PDE11A: variants seen among roughly 807,000 people sequenced by gnomAD.
PDE11A encodes the protein dual 3',5'-cyclic-AMP and -GMP phosphodiesterase 11A.
In PDE11A, 100 loss-of-function variants were observed where a neutral mutation model predicts 100.5. The observed-to-expected ratio is 1.00, with a 90% confidence interval of 0.85 to 1.18. The LOEUF (loss-of-function observed/expected upper bound fraction) is 1.18. Ranked by LOEUF, PDE11A falls within the 50% of genes most tolerant of loss-of-function variation. The pLI is 0.00. For synonymous variants in PDE11A, 381 were observed against 420.8 expected, an observed-to-expected ratio of 0.91 and a Z score of 1.16; for missense variants, 1,141 against 1,152.6, an observed-to-expected ratio of 0.99 and a Z score of 0.15.
intron 6 of PDE11A, among the ~76,000 whole-genome samples, chr2:177,829,147 G>C (rs937473238): frequency 2.1e-4 from 32 of 152,046 alleles, no homozygotes; most frequent in Non-Finnish European, 4.1e-4. Context: ...CATCCTGAAG[G>C]ATTGTGTTGC....
intron 10 of PDE11A, among the ~76,000 whole-genome samples, chr2:177,729,043 T>G (rs10177961): frequency 0.088 from 13,334 of 152,168 alleles, 1,952 homozygotes; most frequent in African/African-American, 0.3. Context: ...GTATTCATAT[T>G]CCTATCTATT....
chr2:177,671,402 C>T (rs1028102633), intron 17 of PDE11A, among the ~76,000 whole-genome samples: 15 of 151,994 alleles, frequency 9.9e-5, no homozygotes, highest in African/African-American at 3.4e-4. Flanking sequence ...GGGGGAATCA[C>T]TGGGGAAACC....
intron 6 of PDE11A, among the ~76,000 whole-genome samples, chr2:177,829,185 G>A (rs547894120): frequency 4.6e-5 from 7 of 152,180 alleles, no homozygotes; most frequent in South Asian, 2.1e-4. Context: ...AACAGAGAGA[G>A]GAGCAGGCTT....
chr2:177,736,610 C>G (rs1055632361), intron 10 of PDE11A, among the ~76,000 whole-genome samples: 7 of 152,046 alleles, frequency 4.6e-5, no homozygotes, highest in Non-Finnish European at 7.4e-5. Context: ...AGGAGACAGC[C>G]CCTGGGAGCA....
Position 177,699,591 on chromosome 2 carries a change from A to G in PDE11A, c.2244+1530T>C, listed in dbSNP as rs6704966. ...TGAGTCTCCCTGAAATACTGCATCT[A>G]CTCTTTGTTTAGGGAGGTGGTGAGT... On this transcript the variant is annotated intron_variant, in intron 14 of 19. Coordinates refer to ENST00000286063, the MANE Select transcript of PDE11A (RefSeq NM_016953.4). 7.1e-3 allele frequency among the ~76,000 whole-genome samples: 1,084 copies of G among 152,104 alleles called. 16 individuals are homozygous for G. Among genetic ancestry groups the G allele is most frequent in the African/African-American group, 0.025 (1,017 of 41,474 alleles).
At chr2:177,786,653 T>G (rs566324731) in intron 9 of PDE11A, among the ~76,000 whole-genome samples, 24,313 of 151,430 alleles carry the variant, frequency 0.16, 1,998 homozygotes, top group Non-Finnish European at 0.18. Flanking sequence ...AAATTTAGAC[T>G]AATGTATAAC....
intron 2 of PDE11A, among the ~76,000 whole-genome samples, chr2:178,083,280 A>G (rs1009157956): frequency 6.6e-6 from 1 of 151,818 alleles, no homozygotes. Context: ...TTGTATTTTT[A>G]TAGAAACGGG....
chr2:177,874,669 C>T (rs2084200786), intron 5 of PDE11A, among the ~76,000 whole-genome samples: 1 of 151,838 alleles, frequency 6.6e-6, no homozygotes, highest in African/African-American at 2.4e-5. Context: ...TGTTATTGGC[C>T]AATTATGGAC....
At position 178,029,283 on chromosome 2, in the gene PDE11A, A is replaced by T. The variant is rs1830209; in HGVS notation, c.913-14823T>A. On this transcript the variant is annotated intron_variant, in intron 1 of 19. Coordinates refer to ENST00000286063, the MANE Select transcript of PDE11A (RefSeq NM_016953.4). ...CACCATGTCAAATAACTGATATCAC[A>T]CAGAAAATATAATTTAACTCCAATG... Among the ~76,000 whole-genome samples, 4 of 151,936 alleles carry T rather than the reference A, an allele frequency of 2.6e-5. No homozygotes were observed. In the East Asian group the frequency reaches 7.7e-4, roughly 29 times the overall value.
chr2:177,898,038 A>G lies in PDE11A; in HGVS notation c.1302+20T>C, dbSNP rs1400401765. The G allele has an allele frequency of 3.1e-6, 5 of 1,587,344 alleles. No individual in the cohort carries two copies. The highest frequency in any genetic ancestry group is 1.7e-6 in the Non-Finnish European group (2 of 1,155,564). ...TCCATTCACACAGTCTTCAACTTTA[A>G]AAGATAAAAGATAACTTACTGGTGA... On this transcript the variant is annotated intron_variant, in intron 4 of 19. Coordinates refer to ENST00000286063, the MANE Select transcript of PDE11A (RefSeq NM_016953.4).
chr2:177,896,980 T>C (rs1461281674), intron 4 of PDE11A, among the ~76,000 whole-genome samples: 6 of 152,166 alleles, frequency 3.9e-5, no homozygotes. Context: ...CTAAACATTT[T>C]AGACATATAC....
At chr2:177,766,706 G>A (rs1288233956) in intron 10 of PDE11A, among the ~76,000 whole-genome samples, 1 of 152,110 alleles carries the variant, frequency 6.6e-6, no homozygotes, top group Non-Finnish European at 1.5e-5. Flanking sequence ...TGTTATTGCT[G>A]CAGTTATAAC....
chr2:177,971,892 C>G, intron 2 of PDE11A, among the ~76,000 whole-genome samples: 1 of 151,272 alleles, frequency 6.6e-6, no homozygotes, highest in Non-Finnish European at 1.5e-5. Flanking sequence ...TTATAAAAGA[C>G]ATAATGTGAT....
At chr2:177,711,733 A>C in intron 13 of PDE11A, 36 bp downstream of exon 13, 2 of 1,091,742 alleles carry the variant, frequency 1.8e-6, no homozygotes, top group Non-Finnish European at 2.8e-6. Context: ...ACAGAAAGGC[A>C]AATGCATTAA....
At position 177,651,874 on chromosome 2, in the gene PDE11A, C is replaced by T. The variant is rs57857693; in HGVS notation, c.2646+11992G>A. Reference sequence around the variant, plus strand: ...CTGAAACTCCCCTAATTCACTGGGGCGATTGTGAGCAGCAAGTATACCCTC... The same window carrying T: ...CTGAAACTCCCCTAATTCACTGGGGTGATTGTGAGCAGCAAGTATACCCTC... On this transcript the variant is annotated intron_variant, in intron 19 of 19. Coordinates refer to ENST00000286063, the MANE Select transcript of PDE11A (RefSeq NM_016953.4). Among the ~76,000 whole-genome samples the T allele has an allele frequency of 8.1e-3, 1,233 of 152,106 alleles. 16 individuals carry two copies. The highest frequency in any genetic ancestry group is 0.027 in the African/African-American group (1,140 of 41,466).
intron 10 of PDE11A, among the ~76,000 whole-genome samples, chr2:177,736,369 C>A (rs1373112333): frequency 1.3e-5 from 2 of 151,812 alleles, no homozygotes; most frequent in African/African-American, 4.8e-5. Flanking sequence ...AAAATTAATA[C>A]AAAAATTAGC....
chr2:177,927,450 T>C (rs755925787), intron 2 of PDE11A, among the ~76,000 whole-genome samples: 28 of 152,218 alleles, frequency 1.8e-4, no homozygotes, highest in Non-Finnish European at 3.4e-4. Flanking sequence ...CTGTTGAGAT[T>C]ATAAGAGAAC....
At chr2:177,677,000 G>A (rs1330146162) in intron 16 of PDE11A, among the ~76,000 whole-genome samples, 1 of 152,172 alleles carries the variant, frequency 6.6e-6, no homozygotes, top group Non-Finnish European at 1.5e-5. Context: ...GACAGTACTG[G>A]AGGGGGACAA....
chr2:177,728,224 C>T (rs907389059), intron 10 of PDE11A, 52 bp from the exon 11 acceptor site: 43 of 1,545,442 alleles, frequency 2.8e-5, no homozygotes, highest in Non-Finnish European at 3.6e-5. Flanking sequence ...TTTCCCAAAC[C>T]CCCATCCTGC....
Sources: gnomAD v4.1 joint callset for allele counts (sites outside exome capture counted in the v4.1 genomes callset) on GRCh38, gnomAD v4.1.1 for gene constraint, MANE v1.5 for transcripts, NCBI Gene and HGNC (gene_info 2026-07-23, HGNC 2026-07-21) for gene names.